Variants in GRIN3A observed in about 807,000 individuals in gnomAD.
The protein encoded by GRIN3A is glutamate receptor ionotropic, NMDA 3A.
In GRIN3A, 47 loss-of-function variants were observed where a neutral mutation model predicts 92.4. The ratio of observed to expected loss-of-function variants is 0.51; its 90% confidence interval spans 0.40 to 0.65. GRIN3A has a LOEUF of 0.65. Ranked by LOEUF, GRIN3A falls within the 30% of genes least tolerant of loss-of-function variation. The pLI, the probability that GRIN3A is intolerant of heterozygous loss-of-function variation, is 0.00. For missense variants in GRIN3A, 1,324 were observed against 1,393.1 expected (o/e 0.95, Z 0.79); for synonymous variants, 527 against 540.6 (o/e 0.97, Z 0.35).
chr9:101,634,332 C>CAA (rs10664535), intron 3 of GRIN3A, among the ~76,000 whole-genome samples: 10,985 of 68,504 alleles, frequency 0.16, 961 homozygotes, highest in East Asian at 0.29. Context: ...GACTCCGTCT[C>CAA]AAAAAAAAAA....
At chr9:101,724,184 G>C (rs1313240654) in intron 1 of GRIN3A, among the ~76,000 whole-genome samples, 1 of 122,552 alleles carries the variant, frequency 8.2e-6, no homozygotes, top group Admixed American at 8.4e-5. Context: ...CGTCGAGGAG[G>C]CTCGGGCCGC....
At chr9:101,594,484 C>T (rs770389126) in intron 6 of GRIN3A, 25 of 1,614,060 alleles carry the variant, frequency 1.5e-5, no homozygotes, top group Non-Finnish European at 8.5e-6. Context: ...AGGATATCTT[C>T]CCATCGCCAT....
chr9:101,582,374 C>T (rs904405601), intron 6 of GRIN3A, among the ~76,000 whole-genome samples: 9 of 152,134 alleles, frequency 5.9e-5, no homozygotes, highest in Admixed American at 3.9e-4. Flanking sequence ...TAGAGCTGAG[C>T]AGGGGCTCGG....
At chr9:101,694,861 C>A (rs1405847288) in intron 1 of GRIN3A, among the ~76,000 whole-genome samples, 1 of 152,066 alleles carries the variant, frequency 6.6e-6, no homozygotes. Context: ...GGGCATTTGA[C>A]ATAAAGAAAG....
chr9:101,609,213 G>T (rs1828325914), intron 6 of GRIN3A, among the ~76,000 whole-genome samples: 1 of 152,184 alleles, frequency 6.6e-6, no homozygotes, highest in Non-Finnish European at 1.5e-5. Flanking sequence ...ATAGGCAGAA[G>T]ATATAATTTT....
intron 2 of GRIN3A, among the ~76,000 whole-genome samples, chr9:101,679,508 C>T (rs540272018): frequency 6.6e-6 from 1 of 152,174 alleles, no homozygotes; most frequent in Non-Finnish European, 1.5e-5. Flanking sequence ...TTAGACTCAT[C>T]TCTTGGCATG....
chr9:101,694,313 A>C (rs1424159857), intron 1 of GRIN3A, among the ~76,000 whole-genome samples: 1 of 152,172 alleles, frequency 6.6e-6, no homozygotes, highest in Non-Finnish European at 1.5e-5. Flanking sequence ...AAAGAATTGC[A>C]TGTCTTCAGG....
intron 2 of GRIN3A, among the ~76,000 whole-genome samples, chr9:101,674,596 A>G (rs536961703): frequency 6.6e-6 from 1 of 152,252 alleles, no homozygotes; most frequent in Non-Finnish European, 1.5e-5. Flanking sequence ...TTAGTTGAAT[A>G]TAAACTCAAT....
At chr9:101,597,909 G>A (rs1029286944) in intron 6 of GRIN3A, among the ~76,000 whole-genome samples, 9 of 152,112 alleles carry the variant, frequency 5.9e-5, no homozygotes, top group African/African-American at 2.2e-4. Context: ...AATAAAGACA[G>A]TCTGACATAT....
At chr9:101,634,105 G>A (rs896757507) in intron 3 of GRIN3A, among the ~76,000 whole-genome samples, 2 of 151,970 alleles carry the variant, frequency 1.3e-5, no homozygotes, top group East Asian at 1.9e-4. Flanking sequence ...AGGCCGAGGC[G>A]GGTGGATCAC....
chr9:101,625,261 A>G (rs1828616358), intron 4 of GRIN3A, among the ~76,000 whole-genome samples: 1 of 152,180 alleles, frequency 6.6e-6, no homozygotes, highest in Non-Finnish European at 1.5e-5. Flanking sequence ...GCTTTGCAAA[A>G]AGAATAACTC....
chr9:101,652,342 A>G (rs564971256), intron 3 of GRIN3A, among the ~76,000 whole-genome samples: 1 of 152,090 alleles, frequency 6.6e-6, no homozygotes, highest in African/African-American at 2.4e-5. Flanking sequence ...TGGAAATAGG[A>G]AGGTCATCAA....
chr9:101,736,045 C>T (rs1830200676), intron 1 of GRIN3A, among the ~76,000 whole-genome samples: 1 of 152,212 alleles, frequency 6.6e-6, no homozygotes. Context: ...TCAAACTTTT[C>T]ATTGTACATT....
intron 6 of GRIN3A, among the ~76,000 whole-genome samples, chr9:101,602,038 C>T (rs915345436): frequency 1.3e-5 from 2 of 152,094 alleles, no homozygotes; most frequent in African/African-American, 4.8e-5. Flanking sequence ...CCCAGATGTG[C>T]GTGCATTGGC....
intron 1 of GRIN3A, among the ~76,000 whole-genome samples, chr9:101,723,724 A>G (rs1830043816): frequency 6.6e-6 from 1 of 152,132 alleles, no homozygotes; most frequent in African/African-American, 2.4e-5. Context: ...GAGTGTGGAC[A>G]CAAAGGTTCT....
At chr9:101,705,486 C>G (rs979861920) in intron 1 of GRIN3A, among the ~76,000 whole-genome samples, 1 of 152,170 alleles carries the variant, frequency 6.6e-6, no homozygotes, top group Non-Finnish European at 1.5e-5. Flanking sequence ...TTAAACAGTT[C>G]GTGTGATCTG....
At chr9:101,714,393 G>A (rs149888728) in intron 1 of GRIN3A, among the ~76,000 whole-genome samples, 4 of 152,272 alleles carry the variant, frequency 2.6e-5, no homozygotes, top group East Asian at 3.9e-4. Flanking sequence ...TGCAAACATT[G>A]AATTAGTGAA....
intron 3 of GRIN3A, among the ~76,000 whole-genome samples, chr9:101,641,637 G>T (rs1457733739): frequency 1.3e-5 from 2 of 151,926 alleles, no homozygotes; most frequent in African/African-American, 2.4e-5. Context: ...TTGTGGGGTG[G>T]GGGGAGAGGG....
intron 4 of GRIN3A, among the ~76,000 whole-genome samples, chr9:101,625,854 C>A (rs1828628201): frequency 6.6e-6 from 1 of 152,176 alleles, no homozygotes; most frequent in African/African-American, 2.4e-5. Context: ...TGCCAATATT[C>A]CACAAATATT....
Sources: gnomAD v4.1 joint callset for allele counts (sites outside exome capture counted in the v4.1 genomes callset) on GRCh38, gnomAD v4.1.1 for gene constraint, MANE v1.5 for transcripts, NCBI Gene and HGNC (gene_info 2026-07-23, HGNC 2026-07-21) for gene names.